Variants in MARCHF1 observed in about 807,000 individuals in gnomAD.
MARCHF1 encodes membrane associated ring-CH-type finger 1.
Under a neutral mutation model 54.2 loss-of-function variants are expected in MARCHF1, and 40 were observed. The observed-to-expected ratio is 0.74, with a 90% confidence interval of 0.57 to 0.96. MARCHF1 has a LOEUF of 0.96. Ranked by LOEUF, MARCHF1 falls within the 40% of genes least tolerant of loss-of-function variation. The pLI is 0.00. For missense variants in MARCHF1, 586 were observed against 656.5 expected (o/e 0.89, Z 1.17); for synonymous variants, 236 against 236.3 (o/e 1.00, Z 0.01).
intron 3 of MARCHF1, among the ~76,000 whole-genome samples, chr4:163,920,524 G>A (rs1751406096): frequency 6.6e-6 from 1 of 152,114 alleles, no homozygotes; most frequent in Non-Finnish European, 1.5e-5. Flanking sequence ...TGAAGAATGA[G>A]GTTATGCCCT....
intron 3 of MARCHF1, among the ~76,000 whole-genome samples, chr4:163,909,527 A>G (rs1038210939): frequency 3.3e-5 from 5 of 152,176 alleles, no homozygotes; most frequent in African/African-American, 1.2e-4. Flanking sequence ...TTTGCCTTCT[A>G]TGAGGGGTTC....
At chr4:164,267,086 T>G (rs1733629101) in intron 1 of MARCHF1, among the ~76,000 whole-genome samples, 1 of 152,162 alleles carries the variant, frequency 6.6e-6, no homozygotes, top group Non-Finnish European at 1.5e-5. Context: ...GACATTTGTA[T>G]GTGATAAGAG....
chr4:164,111,256 C>T (rs74435675), intron 2 of MARCHF1, among the ~76,000 whole-genome samples: 14 of 151,694 alleles, frequency 9.2e-5, no homozygotes, highest in East Asian at 1.9e-4. Context: ...TTCACTGAAA[C>T]GGAGGTACTA....
Position 163,678,609 on chromosome 4 carries a change from A to G in MARCHF1, c.162+22204T>C, listed in dbSNP as rs537639678. Reference sequence around the variant, plus strand: ...TACTATCCTGGAGCATTTTCTGGACAGAAAATAAGCTATTTGTGTGAGTTA... The same window carrying G: ...TACTATCCTGGAGCATTTTCTGGACGGAAAATAAGCTATTTGTGTGAGTTA... On this transcript the variant is annotated intron_variant, in intron 5 of 9. Transcript: ENST00000514618. Among the ~76,000 whole-genome samples, 66 of 152,332 alleles carry G rather than the reference A, an allele frequency of 4.3e-4. 1 individual carries two copies. In the South Asian group the frequency reaches 8.5e-3, roughly 20 times the overall value.
chr4:164,044,232 A>T (rs1255974887), intron 2 of MARCHF1, among the ~76,000 whole-genome samples: 2 of 152,108 alleles, frequency 1.3e-5, no homozygotes, highest in African/African-American at 4.8e-5. Flanking sequence ...CTGTTCTCAC[A>T]CTGCTATGAA....
chr4:163,879,832 T>TGTGTGTGTGC (rs1450550153), intron 3 of MARCHF1, among the ~76,000 whole-genome samples: 2 of 151,778 alleles, frequency 1.3e-5, no homozygotes, highest in African/African-American at 4.8e-5. Flanking sequence ...TGTGTGTGTG[T>TGTGTGTGTGC]GTAGCTTTTA....
intron 2 of MARCHF1, among the ~76,000 whole-genome samples, chr4:164,041,408 T>A (rs1214675538): frequency 6.6e-6 from 1 of 152,188 alleles, no homozygotes; most frequent in Non-Finnish European, 1.5e-5. Context: ...GCCTAGAAGC[T>A]CTTTGTGGAT....
intron 4 of MARCHF1, among the ~76,000 whole-genome samples, chr4:163,817,368 TATAC>T (rs144495623): frequency 0.014 from 2,105 of 151,964 alleles, 60 homozygotes; most frequent in African/African-American, 0.049. Flanking sequence ...CATACATACA[TATAC>T]ATACATATAT....
chr4:164,072,443 C>T (rs944726505), intron 2 of MARCHF1, among the ~76,000 whole-genome samples: 7 of 151,972 alleles, frequency 4.6e-5, no homozygotes, highest in Admixed American at 3.9e-4. Context: ...TGTCTGCGGT[C>T]CCAGCTACTC....
chr4:163,765,554 A>G (rs1305129846), intron 4 of MARCHF1, among the ~76,000 whole-genome samples: 2 of 152,102 alleles, frequency 1.3e-5, no homozygotes, highest in Non-Finnish European at 2.9e-5. Flanking sequence ...TACAATAAAC[A>G]TACTTTGTTA....
At chr4:163,536,963 G>C (rs1326794128) in intron 9 of MARCHF1, among the ~76,000 whole-genome samples, 1 of 152,128 alleles carries the variant, frequency 6.6e-6, no homozygotes, top group Non-Finnish European at 1.5e-5. Flanking sequence ...AGCCATCTGA[G>C]TACAAACTTA....
chr4:163,988,286 T>A (rs1002720230), intron 3 of MARCHF1, among the ~76,000 whole-genome samples: 6 of 152,170 alleles, frequency 3.9e-5, no homozygotes, highest in African/African-American at 1.4e-4. Flanking sequence ...GTAGGAAGTG[T>A]CCCTATGGAT....
In MARCHF1 at chr4:163,529,014, C is replaced by T. The variant is rs1442590700; in HGVS notation, c.1372G>A (p.Val458Ile). Residue 458 changes from valine to isoleucine, a missense_variant, in exon 10 of 10, where the codon GTT becomes ATT. By Grantham distance (29) the Val-to-Ile change is conservative (BLOSUM62 3). Around this residue, in one of 3 missense-constraint regions of MARCHF1, gnomAD observed 93 missense variants for 168.2 expected, o/e 0.55. Transcript: ENST00000514618. ...CCTGTGAAGCCAATGGCTACCACAACCAGTTTTGTCCAAAATGGCCATTCA... is the reference window on the plus strand; with the variant it reads ...CCTGTGAAGCCAATGGCTACCACAATCAGTTTTGTCCAAAATGGCCATTCA... ...VLEWPFWTKLVVVAIGFTGGL... is the reference protein window; with the variant it reads ...VLEWPFWTKLIVVAIGFTGGL... The T allele has an allele frequency of 6.2e-7, 1 of 1,609,212 alleles. No homozygotes were observed. The highest frequency in any genetic ancestry group is 8.5e-7 in the Non-Finnish European group (1 of 1,176,790).
chr4:163,928,667 T>C (rs1751590043), intron 3 of MARCHF1, among the ~76,000 whole-genome samples: 1 of 151,926 alleles, frequency 6.6e-6, no homozygotes, highest in African/African-American at 2.4e-5. Context: ...GAACAAAACG[T>C]TAAAATTCTG....
At chr4:163,641,092 A>C (rs1742536654) in intron 5 of MARCHF1, among the ~76,000 whole-genome samples, 1 of 152,110 alleles carries the variant, frequency 6.6e-6, no homozygotes, top group Non-Finnish European at 1.5e-5. Context: ...CTCTAAAGTC[A>C]TTTTTAACAT....
chr4:164,018,990 GTC>G (rs1379541844), intron 2 of MARCHF1, among the ~76,000 whole-genome samples: 1 of 152,132 alleles, frequency 6.6e-6, no homozygotes, highest in African/African-American at 2.4e-5. Flanking sequence ...GAAAGTGTTT[GTC>G]TCTTATTTCC....
At chr4:163,556,093 T>C in intron 8 of MARCHF1, 2 of 335,676 alleles carry the variant, frequency 6.0e-6, no homozygotes, top group South Asian at 3.8e-5. Context: ...TTAGATGACA[T>C]TATTAGATTT....
intron 4 of MARCHF1, among the ~76,000 whole-genome samples, chr4:163,781,815 A>G (rs1747473822): frequency 6.6e-6 from 1 of 152,224 alleles, no homozygotes; most frequent in Admixed American, 6.5e-5. Flanking sequence ...AATGATTCCA[A>G]GTTTGGAAAA....
intron 3 of MARCHF1, among the ~76,000 whole-genome samples, chr4:163,858,780 C>G (rs1392840619): frequency 6.6e-6 from 1 of 152,172 alleles, no homozygotes; most frequent in Admixed American, 6.5e-5. Context: ...CTGTGGACCT[C>G]TGAGTGGATG....
Sources: allele counts gnomAD v4.1 joint callset (sites outside exome capture counted in the v4.1 genomes callset), GRCh38; gene constraint gnomAD v4.1.1; regional missense constraint gnomAD v4.1.1; transcripts MANE v1.5; gene names NCBI Gene and HGNC (gene_info 2026-07-23, HGNC 2026-07-21).